The following NAA35 variants were observed in gnomAD, a reference collection of about 807,000 sequenced individuals.
NAA35 encodes the protein MAK10 homolog, amino-acid N-acetyltransferase subunit.
A neutral mutation model predicts 101.7 loss-of-function variants in NAA35; 18 were observed. The ratio of observed to expected loss-of-function variants is 0.18; its 90% confidence interval spans 0.12 to 0.26. The LOEUF is 0.26. Ranked by LOEUF, NAA35 falls within the 10% of genes least tolerant of loss-of-function variation. The pLI is 1.00. For missense variants in NAA35, 601 were observed against 886.8 expected, an observed-to-expected ratio of 0.68 and a Z score of 4.09; for synonymous variants, 267 against 273.1, an observed-to-expected ratio of 0.98 and a Z score of 0.22.
chr9:86,010,281 G>T (rs1831842298), intron 15 of NAA35, among the ~76,000 whole-genome samples: 1 of 151,748 alleles, frequency 6.6e-6, no homozygotes, highest in Non-Finnish European at 1.5e-5. Flanking sequence ...TAAATTGCTG[G>T]ACTGCAATTC....
At chr9:85,948,490 G>C (rs946139190) in intron 2 of NAA35, among the ~76,000 whole-genome samples, 5 of 152,056 alleles carry the variant, frequency 3.3e-5, no homozygotes, top group Non-Finnish European at 5.9e-5. Context: ...ACTTCATTTT[G>C]AGATCTTCTT....
At chr9:86,020,666 A>C (rs1832490756) in intron 21 of NAA35, among the ~76,000 whole-genome samples, 1 of 152,060 alleles carries the variant, frequency 6.6e-6, no homozygotes, top group South Asian at 2.1e-4. Flanking sequence ...CAACACAGTG[A>C]GATCTTGTCT....
chr9:86,015,690 G>C (rs186112806), intron 17 of NAA35: 1 of 896,516 alleles, frequency 1.1e-6, no homozygotes, highest in Admixed American at 6.2e-5. Context: ...TATTAATTTT[G>C]ATAAAGCACT....
At chr9:86,013,959 G>T (rs1341082665) in intron 17 of NAA35, 62 bp downstream of exon 17, 10 of 1,274,428 alleles carry the variant, frequency 7.8e-6, no homozygotes, top group Non-Finnish European at 1.1e-5. Flanking sequence ...TGAGAATTCA[G>T]AGTTAATTTC....
At chr9:85,942,959 A>C (rs539234498) in intron 2 of NAA35, among the ~76,000 whole-genome samples, 1 of 152,294 alleles carries the variant, frequency 6.6e-6, no homozygotes, top group Middle Eastern at 3.4e-3. Context: ...ACCTCAGTTG[A>C]ATCACTTTTT....
intron 12 of NAA35, 75 bp downstream of exon 12, chr9:85,996,652 T>A: frequency 8.4e-7 from 1 of 1,187,366 alleles, no homozygotes. Flanking sequence ...TACATATTTA[T>A]GTGGTAACTT....
At chr9:86,015,926 T>C (rs1225800444) in intron 17 of NAA35, 1 of 216,906 alleles carries the variant, frequency 4.6e-6, no homozygotes, top group Non-Finnish European at 7.8e-6. Flanking sequence ...AAGGGTACTA[T>C]AGTAAATGTT....
intron 6 of NAA35, among the ~76,000 whole-genome samples, chr9:85,968,057 G>A (rs1829840205): frequency 6.6e-6 from 1 of 151,996 alleles, no homozygotes; most frequent in African/African-American, 2.4e-5. Flanking sequence ...CTTACGTTCG[G>A]ATTATTTTGC....
At chr9:85,969,758 G>C (rs754774318) in intron 6 of NAA35, among the ~76,000 whole-genome samples, 4 of 151,742 alleles carry the variant, frequency 2.6e-5, no homozygotes, top group Non-Finnish European at 5.9e-5. Context: ...CCAGCCACTT[G>C]AGGCTGAGGC....
At chr9:85,967,270 A>G (rs1428475152) in intron 6 of NAA35, among the ~76,000 whole-genome samples, 1 of 152,232 alleles carries the variant, frequency 6.6e-6, no homozygotes, top group Non-Finnish European at 1.5e-5. Context: ...AGTTATTAAC[A>G]TGATGAAAGA....
chr9:85,963,807 G>A (rs1030809950), intron 6 of NAA35, among the ~76,000 whole-genome samples: 6 of 152,168 alleles, frequency 3.9e-5, no homozygotes, highest in Non-Finnish European at 5.9e-5. Context: ...ACAACAGTGT[G>A]TGAACAAGGT....
At chr9:85,976,859 T>G (rs1587605403) in intron 9 of NAA35, 124 bp downstream of exon 9, 2 of 646,128 alleles carry the variant, frequency 3.1e-6, no homozygotes, top group East Asian at 6.1e-5. Flanking sequence ...AATTGGACAT[T>G]GCAAGGGATT....
intron 14 of NAA35, among the ~76,000 whole-genome samples, chr9:86,009,375 C>T (rs1225550939): frequency 6.6e-6 from 1 of 152,064 alleles, no homozygotes; most frequent in Non-Finnish European, 1.5e-5. Context: ...AGATAAGGAA[C>T]ACCGTAAAGG....
chr9:86,007,968 T>C (rs898470786), intron 14 of NAA35, among the ~76,000 whole-genome samples: 1 of 152,218 alleles, frequency 6.6e-6, no homozygotes, highest in African/African-American at 2.4e-5. Flanking sequence ...GTAGATCTAA[T>C]TAATTATATG....
chr9:85,992,414 C>G (rs1018647764), intron 11 of NAA35, among the ~76,000 whole-genome samples: 1 of 151,932 alleles, frequency 6.6e-6, no homozygotes, highest in African/African-American at 2.4e-5. Flanking sequence ...CCCCCCAACC[C>G]CCAAATACTT....
intron 22 of NAA35, 81 bp from the exon 23 acceptor site, chr9:86,021,820 C>G (rs1832573798): frequency 8.5e-7 from 1 of 1,183,216 alleles, no homozygotes; most frequent in Non-Finnish European, 1.2e-6. Context: ...ACAAGAAACT[C>G]TAAAATAAAA....
chr9:85,961,045 A>G lies in NAA35; in HGVS notation c.349-968A>G, dbSNP rs140811356. ...GAGAGTGGTGGAGAAGGAGGAAAGG[A>G]TAAACAGAGGGAGGATTTTTGCCAA... On this transcript the variant is annotated intron_variant, in intron 5 of 22. Transcript: ENST00000361671. Among the ~76,000 whole-genome samples the G allele has an allele frequency of 2.8e-3, 426 of 152,274 alleles. 5 individuals carry two copies. The South Asian group carries it at 0.034, about 12-fold the overall frequency.
intron 1 of NAA35, 118 bp downstream of exon 1, chr9:85,941,391 C>T (rs1395218057): frequency 2.1e-5 from 21 of 985,340 alleles, no homozygotes; most frequent in Non-Finnish European, 2.5e-5. Flanking sequence ...CCCCGGCCCT[C>T]CCGCTGCGCG....
intron 6 of NAA35, among the ~76,000 whole-genome samples, chr9:85,963,614 G>T (rs968959914): frequency 6.6e-6 from 1 of 152,222 alleles, no homozygotes; most frequent in Non-Finnish European, 1.5e-5. Flanking sequence ...TTTTTATACA[G>T]TTGGTGGTTA....
Sources: gnomAD v4.1 joint callset for allele counts (sites outside exome capture counted in the v4.1 genomes callset) on GRCh38, gnomAD v4.1.1 for gene constraint, MANE v1.5 for transcripts, NCBI Gene and HGNC (gene_info 2026-07-23, HGNC 2026-07-21) for gene names.